Variants in SPATA22 observed in about 807,000 individuals in gnomAD.
The protein encoded by SPATA22 is spermatogenesis-associated protein 22.
A neutral mutation model predicts 47.8 loss-of-function variants in SPATA22; 29 were observed. The ratio of observed to expected loss-of-function variants is 0.61; its 90% CI spans 0.45 to 0.83. SPATA22 has a LOEUF of 0.83. Among genes scored for constraint, SPATA22 ranks in the 40% least tolerant of loss-of-function variants. The pLI is 0.00. For synonymous variants in SPATA22, 133 were observed against 140.9 expected (o/e 0.94, Z 0.40); for missense variants, 410 against 421.7 (o/e 0.97, Z 0.24).
rs1221726343 is a variant in SPATA22, at chr17:3,481,578, A to G, written c.-73-12180T>C. Reference sequence around the variant, plus strand: ...ATTATCTCAGGCACAGATGTTGTTCATCTTTTTCTTTCTGCTTATAACAGC... The same window carrying G: ...ATTATCTCAGGCACAGATGTTGTTCGTCTTTTTCTTTCTGCTTATAACAGC... On this transcript the variant is annotated intron_variant, in intron 1 of 8. Transcript: ENST00000541913. 3.8e-6 allele frequency: 6 copies of G among 1,599,616 alleles called. No homozygotes were observed. In the African/African-American group the frequency reaches 5.4e-5, roughly 14 times the overall value.
chr17:3,509,130 G>A (rs1017824480), intron 1 of SPATA22, among the ~76,000 whole-genome samples: 5 of 151,388 alleles, frequency 3.3e-5, no homozygotes, highest in Non-Finnish European at 5.9e-5. Context: ...GGAACCATGG[G>A]TTTCTATTCA....
chr17:3,478,454 C>T (rs1247668212), intron 1 of SPATA22, among the ~76,000 whole-genome samples: 1 of 152,176 alleles, frequency 6.6e-6, no homozygotes, highest in Non-Finnish European at 1.5e-5. Context: ...GCTTTATCTT[C>T]ATGACTGAGG....
At chr17:3,504,715 G>A (rs571996588) in intron 1 of SPATA22, among the ~76,000 whole-genome samples, 3 of 152,110 alleles carry the variant, frequency 2.0e-5, no homozygotes, top group South Asian at 2.1e-4. Context: ...GCGCCACCAC[G>A]CCTGGCTAAT....
chr17:3,476,332 TGAA>T, upstream of SPATA22: 1 of 1,614,136 alleles, frequency 6.2e-7, no homozygotes, highest in East Asian at 2.2e-5. Flanking sequence ...CCCAGAGCAG[TGAA>T]GAAGTGTACC....
At chr17:3,447,775 G>A (rs2072760557) in intron 6 of SPATA22, among the ~76,000 whole-genome samples, 1 of 152,296 alleles carries the variant, frequency 6.6e-6, no homozygotes, top group South Asian at 2.1e-4. Context: ...CACAGCCACT[G>A]CTGGTGATGT....
At chr17:3,489,163 C>G in intron 1 of SPATA22, 1 of 907,822 alleles carries the variant, frequency 1.1e-6, no homozygotes, top group Non-Finnish European at 1.8e-6. Flanking sequence ...AATCTTGATA[C>G]ATTAAAATGC....
At chr17:3,444,529 G>A (rs2072675993) in intron 7 of SPATA22, among the ~76,000 whole-genome samples, 1 of 152,066 alleles carries the variant, frequency 6.6e-6, no homozygotes, top group African/African-American at 2.4e-5. Flanking sequence ...CATAAGGAGA[G>A]AGTCAGAAGC....
At chr17:3,495,474 C>T (rs910101006) in intron 1 of SPATA22, among the ~76,000 whole-genome samples, 8 of 152,320 alleles carry the variant, frequency 5.3e-5, no homozygotes, top group South Asian at 4.1e-4. Flanking sequence ...GTAATACAGA[C>T]GAGTGAAGCA....
rs1190302599 is a variant in SPATA22, at chr17:3,485,017, G to A, written c.-73-15619C>T. On this transcript the variant is annotated intron_variant, in intron 1 of 8. Transcript: ENST00000541913. The surrounding 1 kb of genome is among the most constrained non-coding windows in gnomAD (Gnocchi z 4.4). The stretch of plus-strand genomic sequence containing the variant: ...ATAAATGATCATCATTCACAGTAGG[G>A]TTTTGTTTTGTTTTTTTTCTGGAAA... Among the ~76,000 whole-genome samples the A allele has an allele frequency of 6.6e-6, 1 of 151,808 alleles. No individual in the cohort carries two copies. The highest frequency in any genetic ancestry group is 1.5e-5 in the Non-Finnish European group (1 of 67,972).
Position 3,490,893 on chromosome 17 carries a change from T to C in SPATA22, c.-73-21495A>G, listed in dbSNP as rs947246917. On this transcript the variant is annotated intron_variant, in intron 1 of 8. Coordinates refer to the SPATA22 transcript ENST00000541913. The surrounding 1 kb of genome is among the most constrained non-coding windows in gnomAD (Gnocchi z 4.6). ...CCCTTATCTCTGCTTCAACCAGAGCTCTTCTGTGTAACATTTCATTTAAGC... is the reference window on the plus strand; with the variant it reads ...CCCTTATCTCTGCTTCAACCAGAGCCCTTCTGTGTAACATTTCATTTAAGC... Among the ~76,000 whole-genome samples, 1 of 152,138 alleles carries C rather than the reference T, an allele frequency of 6.6e-6. No individual in the cohort carries two copies. Among genetic ancestry groups the C allele is most frequent in the Admixed American group, 6.5e-5 (1 of 15,274 alleles).
Position 3,499,116 on chromosome 17 carries a change from G to A in SPATA22, c.-74+14296C>T, listed in dbSNP as rs776474192. 5.4e-5 allele frequency: 86 copies of A among 1,603,678 alleles called. No homozygotes were observed. In the South Asian group the frequency reaches 7.4e-4, roughly 14 times the overall value. On this transcript the variant is annotated intron_variant, in intron 1 of 8. Coordinates refer to the SPATA22 transcript ENST00000541913. Reference sequence around the variant, plus strand: ...ATCACTTCCAGCTTACATCTTACACGGTGTCTTACAAATTCTGCTAGTCTG... The same window carrying A: ...ATCACTTCCAGCTTACATCTTACACAGTGTCTTACAAATTCTGCTAGTCTG...
chr17:3,489,965 G>A (rs994549951), intron 1 of SPATA22, among the ~76,000 whole-genome samples: 8 of 152,136 alleles, frequency 5.3e-5, no homozygotes, highest in African/African-American at 1.9e-4. Flanking sequence ...ACCTGTTGGT[G>A]GAGAGTTAAA....
At chr17:3,502,491 C>T (rs977742350) in intron 1 of SPATA22, 3 of 152,154 alleles carry the variant, frequency 2.0e-5, no homozygotes, top group Non-Finnish European at 4.4e-5. Context: ...TGGTAATATA[C>T]TAAGCGTCCA....
At chr17:3,487,323 A>T (rs1007511180) in intron 1 of SPATA22, among the ~76,000 whole-genome samples, 15 of 152,214 alleles carry the variant, frequency 9.9e-5, no homozygotes, top group African/African-American at 3.6e-4. Context: ...TGCATGATAT[A>T]AAATATTCCA....
upstream of SPATA22, among the ~76,000 whole-genome samples, chr17:3,472,727 G>A (rs570694451): frequency 6.6e-6 from 1 of 152,302 alleles, no homozygotes; most frequent in East Asian, 1.9e-4. Context: ...ACTGGGATAG[G>A]GAAGGGCTTA....
chr17:3,442,619 C>G (rs1485570390), intron 8 of SPATA22, among the ~76,000 whole-genome samples: 1 of 151,984 alleles, frequency 6.6e-6, no homozygotes, highest in Admixed American at 6.6e-5. Context: ...CAGTTCCTAA[C>G]TCTTCACTTT....
At chr17:3,454,825 T>C (rs2072948255) in intron 5 of SPATA22, among the ~76,000 whole-genome samples, 1 of 152,200 alleles carries the variant, frequency 6.6e-6, no homozygotes, top group Non-Finnish European at 1.5e-5. Flanking sequence ...AGTAATGGGA[T>C]GGCTGGGTCA....
chr17:3,501,888 G>A (rs2073993759), intron 1 of SPATA22: 1 of 152,026 alleles, frequency 6.6e-6, no homozygotes, highest in Non-Finnish European at 1.5e-5. Context: ...AGGAGGCAGA[G>A]GTTGCAGTAA....
At chr17:3,509,174 G>A (rs1029706931) in intron 1 of SPATA22, among the ~76,000 whole-genome samples, 2 of 151,796 alleles carry the variant, frequency 1.3e-5, no homozygotes, top group Non-Finnish European at 2.9e-5. Flanking sequence ...AGCCATGATG[G>A]ATAGAGCCCT....
Sources: gnomAD v4.1 joint callset for allele counts (sites outside exome capture counted in the v4.1 genomes callset) on GRCh38, gnomAD v4.1.1 for gene constraint, Gnocchi (gnomAD v3.1) non-coding constraint, MANE v1.5 for transcripts, NCBI Gene and HGNC (gene_info 2026-07-23, HGNC 2026-07-21) for gene names.